The following IFT43 variants were observed in gnomAD, a reference collection of about 807,000 sequenced individuals.
IFT43 encodes the protein intraflagellar transport protein 43 homolog.
A neutral mutation model predicts 32.3 loss-of-function variants in IFT43; 33 were observed. The ratio of observed to expected loss-of-function variants is 1.02; its 90% CI spans 0.77 to 1.37. The LOEUF is 1.37. Among genes scored for constraint, IFT43 ranks in the 40% most tolerant of loss-of-function variants. IFT43 has a pLI of 0.00. For missense variants in IFT43, 274 were observed against 265.9 expected, an observed-to-expected ratio of 1.03 and a Z score of -0.21; for synonymous variants, 93 against 98.2, an observed-to-expected ratio of 0.95 and a Z score of 0.31.
chr14:76,070,898 A>C (rs879303239), intron 5 of IFT43, among the ~76,000 whole-genome samples: 3 of 152,196 alleles, frequency 2.0e-5, no homozygotes, highest in Non-Finnish European at 2.9e-5. Flanking sequence ...CACAGCCTGT[A>C]GAACCATGAG....
At position 75,999,268 on chromosome 14, in the gene IFT43, TATATGTATATA is replaced by T. The variant is rs1425963816; in HGVS notation, c.147+10292_147+10302del. On this transcript the variant is annotated intron_variant, in intron 2 of 8. Coordinates refer to ENST00000314067, the MANE Select transcript of IFT43 (RefSeq NM_001102564.3). ...ATATATATATATATATATATATATA[TATATGTATATA>T]TATTTTTTTTTTTTTTTTTTTAATT... Among the ~76,000 whole-genome samples, 83 of 25,466 alleles carry T rather than the reference TATATGTATATA, an allele frequency of 3.3e-3. 3 individuals carry two copies. The highest frequency in any genetic ancestry group is 0.015 in the African/African-American group (69 of 4,554). The allele number at this position is 25,466 out of a possible 152,430, so 16.7% of individuals were successfully genotyped here. A position where few individuals can be genotyped will look rare whatever the true frequency, so the allele number is the denominator to read the frequency against.
intron 2 of IFT43, 34 bp from the exon 3 acceptor site, chr14:76,022,293 T>A (rs750561304): frequency 6.4e-7 from 1 of 1,568,150 alleles, no homozygotes; most frequent in Non-Finnish European, 8.8e-7. Context: ...AAATGTTGAG[T>A]GAATGTGTTC....
chr14:76,057,423 G>T (rs983993696), intron 3 of IFT43, among the ~76,000 whole-genome samples: 1 of 151,954 alleles, frequency 6.6e-6, no homozygotes, highest in Non-Finnish European at 1.5e-5. Context: ...TAGAGATGGG[G>T]TTTCACCATG....
chr14:76,002,366 AGG>A (rs11349013), intron 2 of IFT43, among the ~76,000 whole-genome samples: 15 of 150,472 alleles, frequency 1.0e-4, no homozygotes, highest in African/African-American at 1.5e-4. Context: ...TAAAAAGGTA[AGG>A]GGGGGGGTGG....
intron 3 of IFT43, chr14:76,058,191 C>T: frequency 4.1e-6 from 1 of 243,510 alleles, no homozygotes; most frequent in East Asian, 1.1e-4. Flanking sequence ...CACAGAAAAG[C>T]AGTTCCAAAG....
intron 7 of IFT43, 115 bp downstream of exon 7, chr14:76,082,807 GC>G (rs2037535858): frequency 1.2e-6 from 1 of 816,504 alleles, no homozygotes; most frequent in African/African-American, 1.7e-5. Flanking sequence ...CCCTGAGGCT[GC>G]CTGCCTGGCA....
intron 2 of IFT43, among the ~76,000 whole-genome samples, chr14:75,998,098 T>A (rs2035781875): frequency 6.6e-6 from 1 of 152,246 alleles, no homozygotes; most frequent in Non-Finnish European, 1.5e-5. Context: ...CACTCGTTTC[T>A]TTTTTCACAT....
intron 3 of IFT43, among the ~76,000 whole-genome samples, chr14:76,050,863 T>G (rs1366109846): frequency 2.6e-5 from 4 of 152,328 alleles, no homozygotes; most frequent in Non-Finnish European, 5.9e-5. Context: ...CTTTTCTTGA[T>G]AGCAGGCATA....
In IFT43 at chr14:75,986,379, A is replaced by G. The variant is rs545443284; in HGVS notation, c.54+539A>G. On this transcript the variant is annotated intron_variant, in intron 1 of 8. Transcript: ENST00000314067. ...GTTAAGGAAACCAAGACCGATTTGT[A>G]ACGTGAGGGAGTGATTAGGTGCTCA... is the stretch of plus-strand genomic sequence containing the variant. 73 of 936,974 alleles carry G rather than the reference A, an allele frequency of 7.8e-5. 1 individual carries two copies. The African/African-American group carries it at 8.3e-4, about 11-fold the overall frequency. The allele number at this position is 936,974 out of a possible 1,614,324, so 58.0% of individuals were successfully genotyped here.
At chr14:75,986,311 A>T in intron 1 of IFT43, 1 of 1,244,432 alleles carries the variant, frequency 8.0e-7, no homozygotes, top group Non-Finnish European at 1.0e-6. Context: ...TCTTCCCGGT[A>T]ATCCCCGTGG....
intron 2 of IFT43, among the ~76,000 whole-genome samples, chr14:76,002,751 T>A (rs182331707): frequency 0.014 from 2,057 of 152,326 alleles, 50 homozygotes; most frequent in African/African-American, 0.043. Context: ...GTTTTCATAA[T>A]AATTTGGAAG....
chr14:76,081,857 G>A (rs74066790), intron 5 of IFT43, among the ~76,000 whole-genome samples: 5,258 of 152,230 alleles, frequency 0.035, 272 homozygotes, highest in African/African-American at 0.11. Flanking sequence ...CACTCACTGC[G>A]GCATCCGCTT....
chr14:76,036,935 C>G (rs1437504090), intron 3 of IFT43, among the ~76,000 whole-genome samples: 1 of 152,144 alleles, frequency 6.6e-6, no homozygotes, highest in Middle Eastern at 3.2e-3. Context: ...TCAAGTGATA[C>G]TCCTGCCCCA....
intron 2 of IFT43, among the ~76,000 whole-genome samples, chr14:76,002,687 C>T (rs371902166): frequency 2.0e-5 from 3 of 152,112 alleles, no homozygotes; most frequent in African/African-American, 7.2e-5. Context: ...TTGTTAGTGA[C>T]AGGAATGAAG....
At chr14:76,000,897 A>G (rs1330853720) in intron 2 of IFT43, among the ~76,000 whole-genome samples, 2 of 152,234 alleles carry the variant, frequency 1.3e-5, no homozygotes, top group African/African-American at 4.8e-5. Flanking sequence ...AATTTGGGAC[A>G]TGCTGAATTT....
At chr14:76,009,661 A>C (rs577970637) in intron 2 of IFT43, among the ~76,000 whole-genome samples, 1 of 152,210 alleles carries the variant, frequency 6.6e-6, no homozygotes, top group Non-Finnish European at 1.5e-5. Flanking sequence ...GCCACAATTC[A>C]TACATCCATA....
chr14:76,020,729 T>C (rs183902424), intron 2 of IFT43, among the ~76,000 whole-genome samples: 34 of 152,278 alleles, frequency 2.2e-4, no homozygotes, highest in African/African-American at 7.9e-4. Context: ...AGTGGGCTGG[T>C]CCTTAGGCAC....
chr14:76,030,272 G>T (rs2036485020), intron 3 of IFT43, among the ~76,000 whole-genome samples: 1 of 152,016 alleles, frequency 6.6e-6, no homozygotes, highest in Non-Finnish European at 1.5e-5. Context: ...TTAGTGCTCA[G>T]ATTGTCCCAT....
At chr14:76,023,064 C>A (rs976593195) in intron 3 of IFT43, among the ~76,000 whole-genome samples, 1 of 152,194 alleles carries the variant, frequency 6.6e-6, no homozygotes, top group African/African-American at 2.4e-5. Context: ...GGCTGGGAAA[C>A]CTGATGTCAC....
Sources: gnomAD v4.1 joint callset for allele counts (sites outside exome capture counted in the v4.1 genomes callset) on GRCh38, gnomAD v4.1.1 for gene constraint, MANE v1.5 for transcripts, NCBI Gene and HGNC (gene_info 2026-07-23, HGNC 2026-07-21) for gene names.